Variants in CALCRL observed in about 807,000 individuals in gnomAD.
The protein encoded by CALCRL is calcitonin receptor like receptor.
CALCRL carries 27 observed loss-of-function variants against 60.4 expected under a neutral mutation model. That is an observed-to-expected ratio of 0.45 (90% CI 0.33 to 0.62). The LOEUF (loss-of-function observed/expected upper bound fraction) is 0.62, where lower values mean the gene tolerates loss of function less well. CALCRL is among the 20% of genes least tolerant of loss of function. The pLI is 0.03. For missense variants in CALCRL, 424 were observed against 540.7 expected (o/e 0.78, Z 2.14); for synonymous variants, 190 against 182.6 (o/e 1.04, Z -0.33).
At chr2:187,418,872 T>G (rs967354747) in intron 1 of CALCRL, among the ~76,000 whole-genome samples, 3 of 149,772 alleles carry the variant, frequency 2.0e-5, no homozygotes, top group Non-Finnish European at 3.0e-5. Flanking sequence ...TTTTTTTTTT[T>G]TTTAGATGGA....
chr2:187,405,277 C>T (rs914661467), intron 1 of CALCRL, among the ~76,000 whole-genome samples: 6 of 151,968 alleles, frequency 3.9e-5, no homozygotes, highest in Non-Finnish European at 8.8e-5. Context: ...GAACATTTAA[C>T]AATGCCAACT....
At chr2:187,447,678 G>A (rs998302779) in intron 1 of CALCRL, among the ~76,000 whole-genome samples, 5 of 151,982 alleles carry the variant, frequency 3.3e-5, no homozygotes, top group Admixed American at 1.3e-4. Context: ...AGACCCTTCC[G>A]GGGGGAGAAA....
Position 187,345,688 on chromosome 2 carries a change from C to CA in CALCRL, c.*495dup, listed in dbSNP as rs5837031. The CA allele has an allele frequency of 0.59, 89,307 of 150,292 alleles. 27,737 individuals are homozygous for CA. The highest frequency in any genetic ancestry group is 0.86 in the East Asian group (4,401 of 5,100). The allele number at this position is 150,292 out of a possible 1,614,324, so 9.3% of individuals were successfully genotyped here. A position where few individuals can be genotyped will look rare whatever the true frequency, so the allele number is the denominator to read the frequency against. ...ACAAAAAGGACTACGGCACTCTGGGCAAAAAAAAAGTCAACTGCCCCAATC... is the reference window on the plus strand; with the variant it reads ...ACAAAAAGGACTACGGCACTCTGGGCAAAAAAAAAAGTCAACTGCCCCAATC... On this transcript the variant is annotated 3_prime_UTR_variant, in exon 15 of 15. Coordinates refer to ENST00000392370, the MANE Select transcript of CALCRL (RefSeq NM_005795.6).
In CALCRL at chr2:187,351,775, A is replaced by G. The variant is rs1487830205; in HGVS notation, c.1170+145T>C. The G allele has an allele frequency of 2.3e-5, 14 of 604,458 alleles. No individual in the cohort carries two copies. The African/African-American group carries it at 2.4e-4, about 11-fold the overall frequency. The allele number at this position is 604,458 out of a possible 1,614,324, so 37.4% of individuals were successfully genotyped here. ...GAAGGAGAGTTAAACCTATGGTAAG[A>G]GATTCTATGGTTCTTTCCCTGATGG... On this transcript the variant is annotated intron_variant, in intron 14 of 14. Transcript: ENST00000392370.
intron 1 of CALCRL, among the ~76,000 whole-genome samples, chr2:187,389,327 C>T (rs1454157833): frequency 1.3e-5 from 2 of 152,122 alleles, no homozygotes; most frequent in Non-Finnish European, 2.9e-5. Context: ...CCCGCCTCCG[C>T]CTCCCAAAGT....
chr2:187,410,234 T>C (rs563841598), intron 1 of CALCRL, among the ~76,000 whole-genome samples: 111 of 152,112 alleles, frequency 7.3e-4, no homozygotes, highest in African/African-American at 2.5e-3. Flanking sequence ...TGAATGAGAG[T>C]GACATGAACA....
At chr2:187,348,802 C>T (rs1686397952) in intron 14 of CALCRL, among the ~76,000 whole-genome samples, 2 of 151,516 alleles carry the variant, frequency 1.3e-5, no homozygotes, top group Non-Finnish European at 3.0e-5. Flanking sequence ...CAATATCACA[C>T]CTGTTAAATA....
intron 1 of CALCRL, among the ~76,000 whole-genome samples, chr2:187,427,571 A>G (rs1433533382): frequency 6.6e-6 from 1 of 152,190 alleles, no homozygotes; most frequent in Admixed American, 6.5e-5. Context: ...ATGTTTACCT[A>G]CCATATTAAA....
At chr2:187,407,648 A>G (rs1456109000) in intron 1 of CALCRL, among the ~76,000 whole-genome samples, 2 of 152,108 alleles carry the variant, frequency 1.3e-5, no homozygotes, top group African/African-American at 2.4e-5. Flanking sequence ...TTTTAATAAT[A>G]CAAGAATGAA....
At chr2:187,374,466 AG>A (rs1306726847) in intron 8 of CALCRL, among the ~76,000 whole-genome samples, 1 of 152,176 alleles carries the variant, frequency 6.6e-6, no homozygotes, top group Non-Finnish European at 1.5e-5. Context: ...GTGTGAGACT[AG>A]ATGATCTCTT....
At chr2:187,430,804 T>C (rs1690370626) in intron 1 of CALCRL, among the ~76,000 whole-genome samples, 1 of 152,024 alleles carries the variant, frequency 6.6e-6, no homozygotes, top group Admixed American at 6.6e-5. Flanking sequence ...GAATAGAAAA[T>C]AAGGAACTCT....
chr2:187,411,148 C>G (rs1479249326), intron 1 of CALCRL, among the ~76,000 whole-genome samples: 1 of 151,738 alleles, frequency 6.6e-6, no homozygotes, highest in African/African-American at 2.4e-5. Context: ...TCAGATCTCC[C>G]TAGAAATACT....
intron 1 of CALCRL, among the ~76,000 whole-genome samples, chr2:187,416,761 C>G (rs1028053926): frequency 2.0e-5 from 3 of 151,986 alleles, no homozygotes; most frequent in Admixed American, 6.6e-5. Context: ...TTCTGTAATT[C>G]AATGTATATG....
rs1035456696 is a variant in CALCRL, at chr2:187,428,538, A to G, written c.-293+19501T>C. 8.5e-5 allele frequency: 13 copies of G among 152,372 alleles called. 1 individual carries two copies. The highest frequency in any genetic ancestry group is 4.6e-4 in the Admixed American group (7 of 15,306). The allele number at this position is 152,372 out of a possible 1,614,324, so 9.4% of individuals were successfully genotyped here. A position where few individuals can be genotyped will look rare whatever the true frequency, so the allele number is the denominator to read the frequency against. ...TCTGAGAAATAGGACAGTGTGCTAT[A>G]AAATTTTAAAGAGATGATAAGATGA... On this transcript the variant is annotated intron_variant, in intron 1 of 14. Transcript: ENST00000392370.
At chr2:187,432,342 G>A (rs1340621808) in intron 1 of CALCRL, among the ~76,000 whole-genome samples, 1 of 152,048 alleles carries the variant, frequency 6.6e-6, no homozygotes, top group Non-Finnish European at 1.5e-5. Context: ...TGTCAGAATT[G>A]CATTTTGTGA....
chr2:187,347,201 T>C (rs909611121), intron 14 of CALCRL, among the ~76,000 whole-genome samples: 1 of 151,786 alleles, frequency 6.6e-6, no homozygotes, highest in African/African-American at 2.4e-5. Flanking sequence ...TTTTCTTCAT[T>C]GTCAGTCAAT....
At chr2:187,374,968 A>G (rs1687685889) in intron 8 of CALCRL, among the ~76,000 whole-genome samples, 2 of 152,158 alleles carry the variant, frequency 1.3e-5, no homozygotes, top group South Asian at 4.1e-4. Flanking sequence ...TCATTGTATT[A>G]TACTATCCAT....
chr2:187,422,062 T>C (rs1339950373), intron 1 of CALCRL, among the ~76,000 whole-genome samples: 2 of 152,174 alleles, frequency 1.3e-5, no homozygotes, highest in South Asian at 2.1e-4. Flanking sequence ...AATTCACTGA[T>C]GTAGCATTAA....
chr2:187,439,494 C>T (rs1194353314), intron 1 of CALCRL, among the ~76,000 whole-genome samples: 26 of 151,660 alleles, frequency 1.7e-4, no homozygotes. Context: ...ACAAAACAAA[C>T]AAACAAACAA....
Sources: allele counts gnomAD v4.1 joint callset (sites outside exome capture counted in the v4.1 genomes callset), GRCh38; gene constraint gnomAD v4.1.1; transcripts MANE v1.5; gene names NCBI Gene and HGNC (gene_info 2026-07-23, HGNC 2026-07-21).